Variants in SPIN1 observed in about 807,000 individuals in gnomAD.
SPIN1 encodes spindlin-1.
Under a neutral mutation model 26.0 loss-of-function variants are expected in SPIN1, and 3 were observed. The ratio of observed to expected loss-of-function variants is 0.12; its 90% CI spans 0.05 to 0.30. SPIN1 has a LOEUF of 0.30. Among genes scored for constraint, SPIN1 ranks in the 10% least tolerant of loss-of-function variants. The pLI is 1.00. For missense variants in SPIN1, 126 were observed against 333.4 expected (o/e 0.38, Z 4.84); for synonymous variants, 101 against 116.5 (o/e 0.87, Z 0.86).
intron 1 of SPIN1, chr9:88,410,426 G>A: frequency 3.2e-6 from 2 of 626,038 alleles, no homozygotes; most frequent in South Asian, 1.5e-5. Context: ...TAGCATCTAG[G>A]CCCTGCCACC....
At chr9:88,437,405 G>T (rs545391220) in intron 2 of SPIN1, among the ~76,000 whole-genome samples, 1 of 152,090 alleles carries the variant, frequency 6.6e-6, no homozygotes, top group Non-Finnish European at 1.5e-5. Context: ...GGTTGAGGCG[G>T]GAGGATGGCT....
chr9:88,420,727 T>G (rs1057422218), intron 1 of SPIN1, among the ~76,000 whole-genome samples: 3 of 152,244 alleles, frequency 2.0e-5, no homozygotes, highest in African/African-American at 7.2e-5. Context: ...GGGTCTTCTC[T>G]GGAGCCCTTT....
chr9:88,389,019 G>C (rs890418899), intron 1 of SPIN1, among the ~76,000 whole-genome samples: 1 of 151,434 alleles, frequency 6.6e-6, no homozygotes, highest in Non-Finnish European at 1.5e-5. Flanking sequence ...GGCGGGGGGA[G>C]GGGCGGGACC....
chr9:88,408,999 G>GTGTGTGTGTGTGTT (rs1827377272), intron 1 of SPIN1, among the ~76,000 whole-genome samples: 1 of 144,836 alleles, frequency 6.9e-6, no homozygotes, highest in Non-Finnish European at 1.5e-5. Context: ...GTGTGTGTGT[G>GTGTGTGTGTGTGTT]TGTGTGTGTG....
At chr9:88,410,910 C>G in intron 1 of SPIN1, 2 of 1,036,348 alleles carry the variant, frequency 1.9e-6, no homozygotes, top group Non-Finnish European at 3.0e-6. Flanking sequence ...CTAGCCATCT[C>G]TTGCTTTGAC....
intron 1 of SPIN1, among the ~76,000 whole-genome samples, chr9:88,396,861 A>AC (rs1268827083): frequency 6.6e-6 from 1 of 152,138 alleles, no homozygotes; most frequent in African/African-American, 2.4e-5. Flanking sequence ...ATATGACTGA[A>AC]CTGAATACTG....
At chr9:88,419,472 G>T (rs1391555553) in intron 1 of SPIN1, among the ~76,000 whole-genome samples, 3 of 151,988 alleles carry the variant, frequency 2.0e-5, no homozygotes, top group African/African-American at 7.3e-5. Flanking sequence ...CATCTGTGAG[G>T]GCGCACCCTT....
chr9:88,426,461 CTG>C lies in SPIN1; in HGVS notation c.-76_-75del, dbSNP rs1827766920. On this transcript the variant is annotated 5_prime_UTR_variant, in exon 2 of 6. Transcript: ENST00000375859. ...GTGGATTAACCAGAACACTAACATT[CTG>C]TGAAAAGTTTCAAATTGGAGAATAT... 4 of 1,187,336 alleles carry C rather than the reference CTG, an allele frequency of 3.4e-6. No individual in the cohort carries two copies. Among genetic ancestry groups the C allele is most frequent in the Middle Eastern group, 3.9e-4 (2 of 5,116 alleles). The allele number at this position is 1,187,336 out of a possible 1,614,324, so 73.6% of individuals were successfully genotyped here. A position where few individuals can be genotyped will look rare whatever the true frequency, so the allele number is the denominator to read the frequency against.
intron 1 of SPIN1, among the ~76,000 whole-genome samples, chr9:88,395,321 A>T (rs187281670): frequency 2.6e-5 from 4 of 151,768 alleles, no homozygotes. Flanking sequence ...CCTTTCCTAC[A>T]CAATAGGCAG....
At chr9:88,423,890 C>T (rs990632916) in intron 1 of SPIN1, among the ~76,000 whole-genome samples, 14 of 152,050 alleles carry the variant, frequency 9.2e-5, no homozygotes, top group African/African-American at 2.9e-4. Flanking sequence ...CTCAGCATCT[C>T]GAGTAGCTGG....
rs903659321 is a variant in SPIN1, at chr9:88,476,865, C to T, written c.*1588C>T. 2 of 152,188 alleles carry T rather than the reference C, an allele frequency of 1.3e-5. No individual in the cohort carries two copies. Among genetic ancestry groups the T allele is most frequent in the African/African-American group, 4.8e-5 (2 of 41,442 alleles). 9.4% of individuals were successfully genotyped at this position (152,188 alleles called of 1,614,324 possible). On this transcript the variant is annotated 3_prime_UTR_variant, in exon 6 of 6. Transcript: ENST00000375859. ...TAAACGTGCATGCTTGTCACTCAAA[C>T]ACCAGAAGTTTGAATCAGAGGTCTG...
chr9:88,469,277 C>T lies in SPIN1; in HGVS notation c.589+672C>T, dbSNP rs143840204. Among the ~76,000 whole-genome samples, 785 of 152,336 alleles carry T rather than the reference C, an allele frequency of 5.2e-3. 5 individuals are homozygous for T. The highest frequency in any genetic ancestry group is 0.015 in the African/African-American group (620 of 41,582). On this transcript the variant is annotated intron_variant, in intron 5 of 5. Coordinates refer to ENST00000375859, the MANE Select transcript of SPIN1 (RefSeq NM_006717.3). Reference sequence around the variant, plus strand: ...GAGGCAGAGCTCAGACGGCAGTGCTCTCTTTGCCGCTGCTCACCTCCTGCT... The same window carrying T: ...GAGGCAGAGCTCAGACGGCAGTGCTTTCTTTGCCGCTGCTCACCTCCTGCT...
At chr9:88,469,707 T>C (rs1410485933) in intron 5 of SPIN1, among the ~76,000 whole-genome samples, 1 of 152,100 alleles carries the variant, frequency 6.6e-6, no homozygotes, top group African/African-American at 2.4e-5. Context: ...TTGTTTTGTT[T>C]TATATTTTAG....
intron 2 of SPIN1, among the ~76,000 whole-genome samples, chr9:88,444,454 A>C (rs1233158837): frequency 1.3e-5 from 2 of 151,608 alleles, no homozygotes; most frequent in African/African-American, 2.4e-5. Context: ...CTTGTTAGCC[A>C]GGACAGTCTC....
At chr9:88,402,237 C>T (rs1827201697) in intron 1 of SPIN1, among the ~76,000 whole-genome samples, 1 of 152,158 alleles carries the variant, frequency 6.6e-6, no homozygotes, top group Admixed American at 6.5e-5. Context: ...AGGTGATCCG[C>T]CTGCCTCAGC....
At chr9:88,421,679 C>T (rs1266790176) in intron 1 of SPIN1, among the ~76,000 whole-genome samples, 6 of 140,070 alleles carry the variant, frequency 4.3e-5, no homozygotes, top group African/African-American at 1.6e-4. Context: ...TCTTTAGTCT[C>T]TTTTAGTCTA....
Position 88,404,631 on chromosome 9 carries a change from C to A in SPIN1, c.-159+16093C>A, listed in dbSNP as rs186010234. Among the ~76,000 whole-genome samples the A allele has an allele frequency of 2.6e-5, 4 of 152,070 alleles. No individual in the cohort carries two copies. In the East Asian group the frequency reaches 7.7e-4, roughly 29 times the overall value. On this transcript the variant is annotated intron_variant, in intron 1 of 5. Coordinates refer to ENST00000375859, the MANE Select transcript of SPIN1 (RefSeq NM_006717.3). ...AAACTTTTTGTTAAAAACTAAGATA[C>A]TTGGCCAGGCGCAGTGGTTCATGCC...
chr9:88,476,687 A>G lies in SPIN1; in HGVS notation c.*1410A>G, dbSNP rs1159320310. On this transcript the variant is annotated 3_prime_UTR_variant, in exon 6 of 6. Coordinates refer to ENST00000375859, the MANE Select transcript of SPIN1 (RefSeq NM_006717.3). ...TCCTGCAAGGTTGTTTTAAACTGAAATAGAACTGCTAGTGTGATTGGTTGA... is the reference window on the plus strand; with the variant it reads ...TCCTGCAAGGTTGTTTTAAACTGAAGTAGAACTGCTAGTGTGATTGGTTGA... 6.6e-6 allele frequency: 1 copy of G among 152,214 alleles called. No individual in the cohort carries two copies. Among genetic ancestry groups the G allele is most frequent in the Non-Finnish European group, 1.5e-5 (1 of 68,040 alleles). The allele number at this position is 152,214 out of a possible 1,614,324, so 9.4% of individuals were successfully genotyped here. A position where few individuals can be genotyped will look rare whatever the true frequency, so the allele number is the denominator to read the frequency against.
chr9:88,474,201 A>G (rs1219642347), intron 5 of SPIN1, among the ~76,000 whole-genome samples: 1 of 152,236 alleles, frequency 6.6e-6, no homozygotes, highest in Non-Finnish European at 1.5e-5. Flanking sequence ...GCCACCTGCT[A>G]CTACGAGGAA....
Sources: allele counts gnomAD v4.1 joint callset (sites outside exome capture counted in the v4.1 genomes callset), GRCh38; gene constraint gnomAD v4.1.1; transcripts MANE v1.5; gene names NCBI Gene and HGNC (gene_info 2026-07-23, HGNC 2026-07-21).